MAF: variants seen among roughly 807,000 people sequenced by gnomAD.
The protein encoded by MAF is transcription factor Maf.
Under a neutral mutation model 22.0 loss-of-function variants are expected in MAF, and 10 were observed. That is an observed-to-expected ratio of 0.45 (90% CI 0.28 to 0.77). MAF has a LOEUF of 0.77. Among genes scored for constraint, MAF ranks in the 30% least tolerant of loss-of-function variants. MAF has a pLI of 0.12. For synonymous variants in MAF, 337 were observed against 255.8 expected, an observed-to-expected ratio of 1.32 and a Z score of -3.03; for missense variants, 544 against 548.4, an observed-to-expected ratio of 0.99 and a Z score of 0.08.
chr16:79,542,886 TG>T, the MAF span, among the ~76,000 whole-genome samples: 1 of 152,204 alleles, frequency 6.6e-6, no homozygotes, highest in African/African-American at 2.4e-5. Context: ...AGACTCTGGG[TG>T]GTTTTTATAT....
chr16:79,291,727 A>G, the MAF span, among the ~76,000 whole-genome samples: 1 of 149,786 alleles, frequency 6.7e-6, no homozygotes, highest in Non-Finnish European at 1.5e-5. Flanking sequence ...CTTTAGATAT[A>G]TTATATTAGA....
chr16:79,445,883 T>C, the MAF span, among the ~76,000 whole-genome samples: 2 of 152,300 alleles, frequency 1.3e-5, no homozygotes, highest in Non-Finnish European at 2.9e-5. Context: ...AATGCATGCA[T>C]ACATGACCAT....
At chr16:79,524,452 C>T in the MAF span, among the ~76,000 whole-genome samples, 1 of 152,126 alleles carries the variant, frequency 6.6e-6, no homozygotes, top group African/African-American at 2.4e-5. Context: ...GTCTGGTCAG[C>T]CAAATGGGAG....
At chr16:79,558,869 T>C in the MAF span, among the ~76,000 whole-genome samples, 1 of 152,190 alleles carries the variant, frequency 6.6e-6, no homozygotes, top group Non-Finnish European at 1.5e-5. Context: ...GTATTTGACT[T>C]TGAGAGATGA....
At chr16:79,416,777 A>AC in the MAF span, among the ~76,000 whole-genome samples, 1 of 152,152 alleles carries the variant, frequency 6.6e-6, no homozygotes, top group Non-Finnish European at 1.5e-5. Context: ...GCAGCTTGCT[A>AC]CCCTCTCCCT....
chr16:79,317,602 A>AC, the MAF span, among the ~76,000 whole-genome samples: 1 of 150,652 alleles, frequency 6.6e-6, no homozygotes, highest in African/African-American at 2.5e-5. Flanking sequence ...ACAAATTCTT[A>AC]CTTATTCCAG....
At chr16:79,504,778 G>A in the MAF span, among the ~76,000 whole-genome samples, 1 of 152,186 alleles carries the variant, frequency 6.6e-6, no homozygotes, top group Admixed American at 6.5e-5. Flanking sequence ...GACTAAAGAA[G>A]CTGTTCTCTG....
rs573405032 is a variant in MAF, at chr16:79,594,111, A to T, written c.*349T>A. On this transcript the variant is annotated 3_prime_UTR_variant, in exon 2 of 2. Coordinates refer to ENST00000326043, the MANE Select transcript of MAF (RefSeq NM_005360.5). ...ATGTGCATGCCTATATATGATTTTA[A>T]AATGCTAATTGTTGCATTCCGGGAA... 1.5e-4 allele frequency: 46 copies of T among 308,264 alleles called. No homozygotes were observed. The South Asian group carries it at 2.5e-3, about 17-fold the overall frequency. The allele number at this position is 308,264 out of a possible 1,614,324, so 19.1% of individuals were successfully genotyped here.
At chr16:79,260,493 A>ATATCAT in the MAF span, among the ~76,000 whole-genome samples, 51 of 150,392 alleles carry the variant, frequency 3.4e-4, no homozygotes, top group Non-Finnish European at 1.6e-4. Context: ...ATCTATATCT[A>ATATCAT]TATCTATATC....
the MAF span, among the ~76,000 whole-genome samples, chr16:79,386,558 T>C: frequency 6.6e-6 from 1 of 152,166 alleles, no homozygotes; most frequent in Non-Finnish European, 1.5e-5. Flanking sequence ...GCCTGGCTCG[T>C]AACAGGCCAT....
At chr16:79,479,919 G>A in the MAF span, among the ~76,000 whole-genome samples, 2 of 152,140 alleles carry the variant, frequency 1.3e-5, no homozygotes, top group East Asian at 3.9e-4. Flanking sequence ...CAGCCCAAGT[G>A]TCCACAGTCC....
At chr16:79,343,491 C>T in the MAF span, among the ~76,000 whole-genome samples, 1 of 152,186 alleles carries the variant, frequency 6.6e-6, no homozygotes, top group Non-Finnish European at 1.5e-5. Flanking sequence ...ATTATACACA[C>T]CACCACACCA....
chr16:79,532,242 T>G, the MAF span, among the ~76,000 whole-genome samples: 1,823 of 152,282 alleles, frequency 0.012, 36 homozygotes, highest in African/African-American at 0.042. Flanking sequence ...GCCCCCACTC[T>G]GGTTTGAGAA....
chr16:79,540,281 C>T, the MAF span, among the ~76,000 whole-genome samples: 4 of 151,818 alleles, frequency 2.6e-5, no homozygotes, highest in African/African-American at 9.7e-5. Context: ...GGGAGGCCAT[C>T]TCCAGACACA....
At chr16:79,417,545 C>A in the MAF span, among the ~76,000 whole-genome samples, 2 of 152,048 alleles carry the variant, frequency 1.3e-5, no homozygotes, top group African/African-American at 2.4e-5. Context: ...GGGCTTCCTG[C>A]ACAGGATCAT....
chr16:79,491,585 C>G, the MAF span, among the ~76,000 whole-genome samples: 1 of 152,084 alleles, frequency 6.6e-6, no homozygotes, highest in Non-Finnish European at 1.5e-5. Flanking sequence ...CCCTGCCTCC[C>G]GGTGGTAAAT....
chr16:79,217,322 T>A, the MAF span, among the ~76,000 whole-genome samples: 1 of 152,138 alleles, frequency 6.6e-6, no homozygotes, highest in East Asian at 1.9e-4. Flanking sequence ...ACACACTACT[T>A]TTATGTGTGG....
the MAF span, among the ~76,000 whole-genome samples, chr16:79,235,651 G>A: frequency 2.6e-5 from 4 of 152,032 alleles, no homozygotes; most frequent in Admixed American, 1.3e-4. Flanking sequence ...CTATGCACAC[G>A]CTCTACGGTA....
the MAF span, among the ~76,000 whole-genome samples, chr16:79,480,052 G>C: frequency 1.3e-5 from 2 of 152,094 alleles, no homozygotes; most frequent in African/African-American, 4.8e-5. Context: ...CTCTCCCTTA[G>C]GTCAAGCTCC....
Sources: gnomAD v4.1 joint callset for allele counts (sites outside exome capture counted in the v4.1 genomes callset) on GRCh38, gnomAD v4.1.1 for gene constraint, MANE v1.5 for transcripts, NCBI Gene and HGNC (gene_info 2026-07-23, HGNC 2026-07-21) for gene names.